Variants in PXDNL observed in about 807,000 individuals in gnomAD.
PXDNL encodes the protein probable oxidoreductase PXDNL.
In PXDNL, 145 loss-of-function variants were observed where a neutral mutation model predicts 150.8. The ratio of observed to expected loss-of-function variants is 0.96; its 90% confidence interval spans 0.84 to 1.10. The LOEUF is 1.10. Ranked by LOEUF, PXDNL falls within the 50% of genes least tolerant of loss-of-function variation. The pLI is 0.00. For synonymous variants in PXDNL, 757 were observed against 725.7 expected, an observed-to-expected ratio of 1.04 and a Z score of -0.69; for missense variants, 2,087 against 1,873.9, an observed-to-expected ratio of 1.11 and a Z score of -2.10.
intron 1 of PXDNL, among the ~76,000 whole-genome samples, chr8:51,711,136 A>G (rs1816488508): frequency 2.8e-5 from 4 of 143,632 alleles, no homozygotes; most frequent in South Asian, 2.1e-4. Context: ...AAACTTTGAA[A>G]TTATCTTTTT....
At chr8:51,554,443 C>T (rs1320477015) in intron 4 of PXDNL, among the ~76,000 whole-genome samples, 2 of 152,146 alleles carry the variant, frequency 1.3e-5, no homozygotes, top group Non-Finnish European at 2.9e-5. Context: ...TGGCTGCACC[C>T]TTGCACTTTT....
intron 17 of PXDNL, among the ~76,000 whole-genome samples, chr8:51,382,656 G>C (rs1807584599): frequency 6.6e-6 from 1 of 152,174 alleles, no homozygotes; most frequent in East Asian, 1.9e-4. Flanking sequence ...GAAAGGTACA[G>C]AGACTTATCA....
chr8:51,345,633 G>A (rs1395368380), intron 20 of PXDNL, among the ~76,000 whole-genome samples, 200 bp downstream of exon 20: 6 of 152,018 alleles, frequency 3.9e-5, no homozygotes, highest in South Asian at 4.2e-4. Flanking sequence ...TGCCAAATAC[G>A]CTCTGGTTGG....
chr8:51,331,650 G>C (rs1395335736), intron 21 of PXDNL, among the ~76,000 whole-genome samples: 1 of 152,132 alleles, frequency 6.6e-6, no homozygotes, highest in Non-Finnish European at 1.5e-5. Flanking sequence ...AGGTGTCACG[G>C]TGGGAATGGG....
Position 51,641,516 on chromosome 8 carries a change from A to C in PXDNL, c.236+13173T>G, listed in dbSNP as rs1241446121. On this transcript the variant is annotated intron_variant, in intron 2 of 22. Transcript: ENST00000356297. ...ACTCAAACAAATTTACAAGAAAAAA[A>C]CAAACAACCCTATCAAAAAGTGGGC... is the stretch of plus-strand genomic sequence containing the variant. 2.0e-5 allele frequency among the ~76,000 whole-genome samples: 3 copies of C among 152,166 alleles called. No individual in the cohort carries two copies. The South Asian group carries it at 6.2e-4, about 31-fold the overall frequency.
Position 51,600,603 on chromosome 8 carries a change from G to A in PXDNL, c.237-7905C>T, listed in dbSNP as rs191996425. Among the ~76,000 whole-genome samples the A allele has an allele frequency of 8.7e-3, 845 of 96,948 alleles. 29 individuals carry two copies. Among genetic ancestry groups the A allele is most frequent in the Middle Eastern group, 0.013 (1 of 78 alleles). 63.6% of individuals were successfully genotyped at this position (96,948 alleles called of 152,430 possible). Reference sequence around the variant, plus strand: ...AATTATATCTTATATAAATTATATCGTTTAGATAATAAATTATATCTTATA... The same window carrying A: ...AATTATATCTTATATAAATTATATCATTTAGATAATAAATTATATCTTATA... On this transcript the variant is annotated intron_variant, in intron 2 of 22. Coordinates refer to ENST00000356297, the MANE Select transcript of PXDNL (RefSeq NM_144651.5).
chr8:51,616,161 C>G (rs1263821453), intron 2 of PXDNL, among the ~76,000 whole-genome samples: 1 of 152,318 alleles, frequency 6.6e-6, no homozygotes, highest in Non-Finnish European at 1.5e-5. Context: ...GATGTCTGCA[C>G]ACATTCAGGG....
At chr8:51,708,528 A>G (rs1259774311) in intron 1 of PXDNL, among the ~76,000 whole-genome samples, 3 of 152,240 alleles carry the variant, frequency 2.0e-5, no homozygotes, top group Non-Finnish European at 4.4e-5. Context: ...TAGAATTGCC[A>G]TTGCAGAGAA....
At chr8:51,732,971 A>C (rs1051612871) in intron 1 of PXDNL, among the ~76,000 whole-genome samples, 13 of 152,342 alleles carry the variant, frequency 8.5e-5, no homozygotes, top group Admixed American at 3.9e-4. Context: ...GGAGGGTTTC[A>C]ACAATCTGTT....
chr8:51,599,011 G>A (rs1219880904), intron 2 of PXDNL, among the ~76,000 whole-genome samples: 2 of 152,088 alleles, frequency 1.3e-5, no homozygotes, highest in Non-Finnish European at 2.9e-5. Context: ...AGATTTTCTA[G>A]TTTGTGTATA....
At chr8:51,741,237 A>AT (rs2036903839) in intron 1 of PXDNL, among the ~76,000 whole-genome samples, 1 of 152,028 alleles carries the variant, frequency 6.6e-6, no homozygotes, top group Non-Finnish European at 1.5e-5. Flanking sequence ...TAATTTATCA[A>AT]TTTTTTCTAG....
In PXDNL at chr8:51,569,501, A is replaced by C. The variant is rs541462583; in HGVS notation, c.309-12590T>G. Among the ~76,000 whole-genome samples, 7 of 152,096 alleles carry C rather than the reference A, an allele frequency of 4.6e-5. No homozygotes were observed. In the South Asian group the frequency reaches 1.4e-3, roughly 31 times the overall value. On this transcript the variant is annotated intron_variant, in intron 3 of 22. Transcript: ENST00000356297. ...ATGACAATTGTATGTCGCTCTAGGA[A>C]GGCAAATAAACATTTCCTTTATTTA...
chr8:51,529,918 C>A (rs1423090549), intron 4 of PXDNL, among the ~76,000 whole-genome samples: 3 of 151,922 alleles, frequency 2.0e-5, no homozygotes, highest in East Asian at 2.0e-4. Flanking sequence ...CCTCTACTTA[C>A]AAGATGCCTA....
intron 2 of PXDNL, among the ~76,000 whole-genome samples, chr8:51,639,084 CCTGCT>C (rs1167258726): frequency 2.0e-5 from 3 of 152,164 alleles, no homozygotes; most frequent in Non-Finnish European, 4.4e-5. Flanking sequence ...GACTGAACAA[CCTGCT>C]CCTGAATGAC....
intron 1 of PXDNL, among the ~76,000 whole-genome samples, chr8:51,707,435 T>C (rs1260375840): frequency 6.6e-6 from 1 of 152,252 alleles, no homozygotes; most frequent in African/African-American, 2.4e-5. Context: ...AGCCAAGTAG[T>C]ACTAAACATA....
intron 5 of PXDNL, 142 bp from the exon 6 acceptor site, chr8:51,483,856 T>C (rs1563431991): frequency 1.7e-6 from 1 of 595,306 alleles, no homozygotes; most frequent in Non-Finnish European, 3.0e-6. Context: ...CAGAGTGTCA[T>C]TTATACAACC....
chr8:51,665,598 T>C (rs2130819970), intron 1 of PXDNL, among the ~76,000 whole-genome samples: 1 of 152,346 alleles, frequency 6.6e-6, no homozygotes, highest in Admixed American at 6.5e-5. Context: ...ACACAGAGTA[T>C]TGGACCAAAA....
intron 1 of PXDNL, among the ~76,000 whole-genome samples, chr8:51,733,367 A>G (rs1816969628): frequency 6.6e-6 from 1 of 152,208 alleles, no homozygotes; most frequent in Non-Finnish European, 1.5e-5. Context: ...TGGTTTTATA[A>G]AAGTAGAACA....
chr8:51,753,169 A>G (rs2037064921), intron 1 of PXDNL, among the ~76,000 whole-genome samples: 1 of 152,246 alleles, frequency 6.6e-6, no homozygotes, highest in African/African-American at 2.4e-5. Flanking sequence ...CAGGGAATAT[A>G]GTTTCCGGAG....
Sources: allele counts gnomAD v4.1 joint callset (sites outside exome capture counted in the v4.1 genomes callset), GRCh38; gene constraint gnomAD v4.1.1; transcripts MANE v1.5; gene names NCBI Gene and HGNC (gene_info 2026-07-23, HGNC 2026-07-21).